NUP62CL: variants seen among roughly 807,000 people sequenced by gnomAD.
NUP62CL encodes the protein nucleoporin-62 C-terminal-like protein.
In NUP62CL, 13 loss-of-function variants were observed where a neutral mutation model predicts 15.3. The ratio of observed to expected loss-of-function variants is 0.85; its 90% confidence interval spans 0.55 to 1.35. The LOEUF is 1.35. Among genes scored for constraint, NUP62CL ranks in the 40% most tolerant of loss-of-function variants. The pLI is 0.00. For synonymous variants in NUP62CL, 54 were observed against 49.2 expected, an observed-to-expected ratio of 1.10 and a Z score of -0.41; for missense variants, 123 against 130.6, an observed-to-expected ratio of 0.94 and a Z score of 0.28.
intron 4 of NUP62CL, among the ~76,000 whole-genome samples, chrX:107,155,177 G>A (rs944515130): frequency 3.6e-5 from 4 of 112,240 alleles, no homozygotes; most frequent in African/African-American, 1.3e-4. Flanking sequence ...ATGAGGTAGG[G>A]CAAAGAGCGC....
intron 4 of NUP62CL, among the ~76,000 whole-genome samples, chrX:107,162,340 T>C (rs964299098): frequency 1.8e-5 from 2 of 111,161 alleles, no homozygotes; most frequent in African/African-American, 6.5e-5. Context: ...TTGAAAACTC[T>C]CAAAGTTTGT....
chrX:107,173,867 T>C lies in NUP62CL; in HGVS notation c.58+1222A>G, dbSNP rs772963014. On this transcript the variant is annotated intron_variant, in intron 3 of 8. Transcript: ENST00000372466. ...AGGAATGGAGACAATCTTACTGTCA[T>C]AGAGCTGGGGAGGGGGGCTATTACA... is the stretch of plus-strand genomic sequence containing the variant. Among the ~76,000 whole-genome samples the C allele has an allele frequency of 2.7e-5, 3 of 110,439 alleles. No homozygotes were observed. The South Asian group carries it at 1.2e-3, about 44-fold the overall frequency.
chrX:107,153,027 T>G (rs189019419), intron 7 of NUP62CL, 145 bp downstream of exon 7: 2 of 468,552 alleles, frequency 4.3e-6, no homozygotes, highest in Non-Finnish European at 6.7e-6. Flanking sequence ...ATCAAACAAA[T>G]TGATAAATGT....
chrX:107,189,887 AAG>A lies in NUP62CL; in HGVS notation c.-48+3140_-48+3141del, dbSNP rs1463378407. Among the ~76,000 whole-genome samples the A allele has an allele frequency of 1.3e-3, 108 of 83,528 alleles. 1 individual carries two copies. The highest frequency in any genetic ancestry group is 1.3e-3 in the Non-Finnish European group (55 of 43,590). 72.5% of individuals were successfully genotyped at this position (83,528 alleles called of 115,157 possible). On this transcript the variant is annotated intron_variant, in intron 2 of 8. Coordinates refer to ENST00000372466, the MANE Select transcript of NUP62CL (RefSeq NM_017681.3). The stretch of plus-strand genomic sequence containing the variant: ...GAAGGAAAAAGAAAGAAAAGAAAGA[AAG>A]AAAGAAAGAAAGAAAGAAAGAAAGA...
intron 2 of NUP62CL, among the ~76,000 whole-genome samples, chrX:107,187,613 G>A (rs1462025491): frequency 8.9e-6 from 1 of 112,281 alleles, no homozygotes; most frequent in African/African-American, 3.2e-5. Flanking sequence ...GGCCAGGCTG[G>A]TCTTGAACGC....
chrX:107,169,237 C>A (rs943843605), intron 3 of NUP62CL, among the ~76,000 whole-genome samples: 2 of 110,762 alleles, frequency 1.8e-5, no homozygotes, highest in African/African-American at 3.3e-5. Context: ...AGTAAGGGAC[C>A]ATGAGCAAGT....
At chrX:107,129,113 A>G (rs1925453579) in intron 8 of NUP62CL, among the ~76,000 whole-genome samples, 2 of 112,117 alleles carry the variant, frequency 1.8e-5, no homozygotes, top group South Asian at 7.5e-4. Context: ...AGAAGAAGAA[A>G]AAGACAAAAG....
intron 1 of NUP62CL, among the ~76,000 whole-genome samples, chrX:107,197,113 T>C (rs767975253): frequency 8.9e-6 from 1 of 112,290 alleles, no homozygotes; most frequent in Non-Finnish European, 1.9e-5. Flanking sequence ...TCTTACTTTG[T>C]ATTTTTTATT....
At chrX:107,201,576 TA>T (rs1387451090) in intron 1 of NUP62CL, among the ~76,000 whole-genome samples, 1 of 103,461 alleles carries the variant, frequency 9.7e-6, no homozygotes, top group Admixed American at 1.1e-4. Flanking sequence ...TATATAGCAA[TA>T]AAAAATAACT....
intron 8 of NUP62CL, among the ~76,000 whole-genome samples, chrX:107,141,621 G>C (rs1447278320): frequency 8.9e-6 from 1 of 111,819 alleles, no homozygotes; most frequent in Non-Finnish European, 1.9e-5. Context: ...GGAAGTAAAT[G>C]AAACAACCTT....
rs1436030316 is a variant in NUP62CL at position 107,206,370 on chromosome X, C to G, written c.-189G>C. On this transcript the variant is annotated 5_prime_UTR_variant, in exon 1 of 9. Coordinates refer to ENST00000372466, the MANE Select transcript of NUP62CL (RefSeq NM_017681.3). The stretch of plus-strand genomic sequence containing the variant: ...CCAGAGGGGCGGGTCCGGACCTGCT[C>G]GAGCCGGAAAGAATCGGCCTCCTTA... 1.8e-5 allele frequency: 2 copies of G among 110,238 alleles called. No individual in the cohort carries two copies. Among genetic ancestry groups the G allele is most frequent in the Non-Finnish European group, 1.9e-5 (1 of 52,698 alleles). 9.1% of individuals were successfully genotyped at this position (110,238 alleles called of 1,213,427 possible).
chrX:107,128,349 C>T (rs1331403340), intron 8 of NUP62CL, among the ~76,000 whole-genome samples: 1 of 112,016 alleles, frequency 8.9e-6, no homozygotes, highest in Admixed American at 9.5e-5. Flanking sequence ...TGGTCATGTG[C>T]ACATGTCTGT....
At chrX:107,133,303 C>T (rs775429779) in intron 8 of NUP62CL, among the ~76,000 whole-genome samples, 47 of 110,507 alleles carry the variant, frequency 4.3e-4, no homozygotes, top group Non-Finnish European at 6.6e-4. Context: ...TCTGGGCCCA[C>T]GTGGATAATC....
At chrX:107,132,000 G>T in intron 8 of NUP62CL, 1 of 1,002,602 alleles carries the variant, frequency 1.0e-6, no homozygotes, top group Non-Finnish European at 1.4e-6. Context: ...TAGGTGGGAT[G>T]GAATGGTTGC....
chrX:107,160,994 A>T (rs1446692311), intron 4 of NUP62CL, among the ~76,000 whole-genome samples: 2 of 111,689 alleles, frequency 1.8e-5, no homozygotes, highest in Non-Finnish European at 3.8e-5. Context: ...CACTTCTCAA[A>T]AGAAGACATT....
intron 7 of NUP62CL, 67 bp from the exon 8 acceptor site, chrX:107,147,876 G>T: frequency 1.2e-6 from 1 of 851,539 alleles, no homozygotes; most frequent in Admixed American, 2.4e-5. Flanking sequence ...ATAAACATAA[G>T]AAATTGACAT....
intron 2 of NUP62CL, among the ~76,000 whole-genome samples, chrX:107,186,291 T>C (rs1168399259): frequency 9.0e-6 from 1 of 111,621 alleles, no homozygotes; most frequent in African/African-American, 3.3e-5. Flanking sequence ...AATCAATTTA[T>C]TGGGTATATT....
intron 1 of NUP62CL, among the ~76,000 whole-genome samples, chrX:107,200,618 CAA>C (rs1178515736): frequency 1.6e-4 from 11 of 68,225 alleles, no homozygotes; most frequent in East Asian, 4.2e-4. Flanking sequence ...GATTCCGTCT[CAA>C]AAAAAAAAAA....
intron 4 of NUP62CL, among the ~76,000 whole-genome samples, chrX:107,157,652 C>T (rs1164313413): frequency 5.6e-5 from 6 of 107,877 alleles, no homozygotes; most frequent in Non-Finnish European, 7.7e-5. Flanking sequence ...AAGGAACAAC[C>T]GGTACCAGCC....
Sources: gnomAD v4.1 joint callset for allele counts (sites outside exome capture counted in the v4.1 genomes callset) on GRCh38, gnomAD v4.1.1 for gene constraint, MANE v1.5 for transcripts, NCBI Gene and HGNC (gene_info 2026-07-23, HGNC 2026-07-21) for gene names.